KLHL29: variants seen among roughly 807,000 people sequenced by gnomAD.
KLHL29 encodes kelch like family member 29.
KLHL29 carries 21 observed loss-of-function variants against 80.4 expected under a neutral mutation model. The ratio of observed to expected loss-of-function variants is 0.26; its 90% CI spans 0.19 to 0.38. KLHL29 has a LOEUF of 0.38. KLHL29 is among the 10% of genes least tolerant of loss of function. The pLI is 1.00. For synonymous variants in KLHL29, 511 were observed against 526.8 expected, an observed-to-expected ratio of 0.97 and a Z score of 0.41; for missense variants, 867 against 1,223.9, an observed-to-expected ratio of 0.71 and a Z score of 4.35.
rs1665520415 is a variant in KLHL29, at chr2:23,503,806, C to T, written c.-46+28139C>T. ...GGTCTCAGAGCACAGCACGCCAGACCTCTAGTCCACACAGTCCTGCACACA... is the reference window on the plus strand; with the variant it reads ...GGTCTCAGAGCACAGCACGCCAGACTTCTAGTCCACACAGTCCTGCACACA... On this transcript the variant is annotated intron_variant, in intron 2 of 13. Transcript: ENST00000486442. This position sits in a 1 kb window ranked among gnomAD's most constrained non-coding sequence, Gnocchi z 4.0. Among the ~76,000 whole-genome samples, 1 of 152,202 alleles carries T rather than the reference C, an allele frequency of 6.6e-6. No homozygotes were observed. The highest frequency in any genetic ancestry group is 1.5e-5 in the Non-Finnish European group (1 of 68,034).
At chr2:23,550,367 G>A (rs952837558) in intron 2 of KLHL29, among the ~76,000 whole-genome samples, 5 of 152,048 alleles carry the variant, frequency 3.3e-5, no homozygotes, top group African/African-American at 1.2e-4. Flanking sequence ...ACAAGCAGGA[G>A]GCCCCCCAGG....
intron 3 of KLHL29, among the ~76,000 whole-genome samples, chr2:23,637,069 C>G (rs145405926): frequency 5.9e-5 from 9 of 152,212 alleles, no homozygotes; most frequent in Non-Finnish European, 1.0e-4. Context: ...TGCAACACCC[C>G]CTCCAGGCAG....
At chr2:23,482,968 G>T (rs1310794707) in intron 2 of KLHL29, among the ~76,000 whole-genome samples, 2 of 152,144 alleles carry the variant, frequency 1.3e-5, no homozygotes, top group East Asian at 3.9e-4. Context: ...CAGTCCGGTG[G>T]GGCAGCCAGT....
At chr2:23,578,328 A>G (rs1340505482) in intron 3 of KLHL29, among the ~76,000 whole-genome samples, 2 of 152,200 alleles carry the variant, frequency 1.3e-5, no homozygotes, top group African/African-American at 2.4e-5. Flanking sequence ...ACTGTCCAAG[A>G]TTGCATCCGG....
intron 2 of KLHL29, among the ~76,000 whole-genome samples, chr2:23,542,923 T>G (rs1666877211): frequency 1.3e-5 from 2 of 152,136 alleles, no homozygotes; most frequent in Non-Finnish European, 2.9e-5. Flanking sequence ...CTGTCTGAGC[T>G]TCTGCTTCCT....
intron 2 of KLHL29, among the ~76,000 whole-genome samples, chr2:23,493,021 C>T (rs1340231582): frequency 6.6e-6 from 1 of 152,184 alleles, no homozygotes; most frequent in Non-Finnish European, 1.5e-5. Flanking sequence ...GGAAATATTC[C>T]AGGATCTAAT....
Position 23,521,871 on chromosome 2 carries a change from G to A in KLHL29, c.-45-40281G>A, listed in dbSNP as rs576167496. Among the ~76,000 whole-genome samples the A allele has an allele frequency of 2.6e-5, 4 of 152,316 alleles. No individual in the cohort carries two copies. The South Asian group carries it at 6.2e-4, about 24-fold the overall frequency. On this transcript the variant is annotated intron_variant, in intron 2 of 13. Coordinates refer to ENST00000486442, the MANE Select transcript of KLHL29 (RefSeq NM_052920.2). ...TGATGCATCAATACTCAGGGGTCCC[G>A]TAGAGGTAGTTGGGACGTTTATCCC... is the stretch of plus-strand genomic sequence containing the variant.
At chr2:23,419,325 A>G (rs1397382283) in intron 1 of KLHL29, among the ~76,000 whole-genome samples, 2 of 152,114 alleles carry the variant, frequency 1.3e-5, no homozygotes, top group Non-Finnish European at 2.9e-5. Flanking sequence ...TGAGCCAGTG[A>G]AGGAGGCCAG....
chr2:23,703,855 G>C lies in KLHL29; in HGVS notation c.2436G>C (p.Gln812His). The change falls in exon 13 of 14, where the codon CAG (glutamine) becomes CAC (histidine). Residue 812 changes from glutamine to histidine, a missense_variant. Coordinates refer to ENST00000486442, the MANE Select transcript of KLHL29 (RefSeq NM_052920.2). ...KAGPNMNHSR[Q>H]FCSAVVLDGK... ...GCCCAAACATGAACCACTCTCGCCA[G>C]TTCTGCAGGTGAGAGGCTGCGGCGC... 6.5e-7 allele frequency: 1 copy of C among 1,536,570 alleles called. No homozygotes were observed. The highest frequency in any genetic ancestry group is 8.7e-7 in the Non-Finnish European group (1 of 1,146,508).
chr2:23,392,356 A>C (rs1303203351), intron 1 of KLHL29, among the ~76,000 whole-genome samples: 2 of 152,244 alleles, frequency 1.3e-5, no homozygotes, highest in Non-Finnish European at 2.9e-5. Context: ...TTGCATCACA[A>C]TTCCAATAGT....
At chr2:23,567,353 C>T (rs1271249036) in intron 3 of KLHL29, among the ~76,000 whole-genome samples, 2 of 152,216 alleles carry the variant, frequency 1.3e-5, no homozygotes, top group Admixed American at 6.5e-5. Flanking sequence ...TTCCCATCGT[C>T]CCTCAGAGCT....
rs59352915 is a variant in KLHL29, at chr2:23,684,341, T to TA, written c.941-45dup. 0.15 allele frequency: 130,463 copies of TA among 867,096 alleles called. No homozygotes were observed. Among genetic ancestry groups the TA allele is most frequent in the Non-Finnish European group, 0.16 (107,358 of 657,666 alleles). The allele number at this position is 867,096 out of a possible 1,614,324, so 53.7% of individuals were successfully genotyped here. A position where few individuals can be genotyped will look rare whatever the true frequency, so the allele number is the denominator to read the frequency against. ...AAAAAGAAAAAAAACTTTTTTTAAT[T>TA]AAAAAAAAAAAAACTCTTAATGGGA... On this transcript the variant is annotated intron_variant, in intron 5 of 13. Coordinates refer to ENST00000486442, the MANE Select transcript of KLHL29 (RefSeq NM_052920.2). The surrounding 1 kb of genome is among the most constrained non-coding windows in gnomAD (Gnocchi z 4.4).
At chr2:23,454,612 G>A (rs371465283) in intron 1 of KLHL29, among the ~76,000 whole-genome samples, 1 of 152,078 alleles carries the variant, frequency 6.6e-6, no homozygotes, top group African/African-American at 2.4e-5. Context: ...TATTTCGTCA[G>A]CTTTTTCTGT....
intron 5 of KLHL29, among the ~76,000 whole-genome samples, chr2:23,653,492 C>A (rs1670145050): frequency 6.6e-6 from 1 of 152,186 alleles, no homozygotes; most frequent in Non-Finnish European, 1.5e-5. Context: ...AGCAGCACAT[C>A]CCACCGGGAG....
intron 1 of KLHL29, among the ~76,000 whole-genome samples, chr2:23,426,102 G>A (rs184588130): frequency 8.7e-4 from 133 of 152,296 alleles, no homozygotes; most frequent in Non-Finnish European, 5.0e-4. Context: ...CAGGGTCATG[G>A]GAAAGGCTCT....
chr2:23,461,039 G>A (rs1306777414), intron 1 of KLHL29, among the ~76,000 whole-genome samples: 6 of 152,262 alleles, frequency 3.9e-5, no homozygotes. Flanking sequence ...CCAGATTGGT[G>A]TCTTAGAAAG....
chr2:23,671,276 A>G (rs1268125353), intron 5 of KLHL29, among the ~76,000 whole-genome samples: 1 of 151,366 alleles, frequency 6.6e-6, no homozygotes, highest in Non-Finnish European at 1.5e-5. Flanking sequence ...GGAGGAGGAG[A>G]CTCGTGTTCT....
At chr2:23,678,604 T>C (rs2149183269) in intron 5 of KLHL29, among the ~76,000 whole-genome samples, 1 of 152,290 alleles carries the variant, frequency 6.6e-6, no homozygotes, top group South Asian at 2.1e-4. Context: ...AGAGTCACAG[T>C]CTAAATAAGT....
intron 2 of KLHL29, among the ~76,000 whole-genome samples, chr2:23,517,526 C>G (rs1422055027): frequency 6.6e-6 from 1 of 152,252 alleles, no homozygotes; most frequent in East Asian, 1.9e-4. Context: ...AGCCTGCCGA[C>G]AGAGCGAGAC....
Sources: gnomAD v4.1 joint callset for allele counts (sites outside exome capture counted in the v4.1 genomes callset) on GRCh38, gnomAD v4.1.1 for gene constraint, Gnocchi (gnomAD v3.1) non-coding constraint, MANE v1.5 for transcripts, NCBI Gene and HGNC (gene_info 2026-07-23, HGNC 2026-07-21) for gene names.